The following ACBD4 variants were observed in gnomAD, a reference collection of about 807,000 sequenced individuals.
ACBD4 encodes the protein acyl-CoA-binding domain-containing protein 4.
A neutral mutation model predicts 46.0 loss-of-function variants in ACBD4; 41 were observed. That is an observed-to-expected ratio of 0.89 (90% CI 0.69 to 1.16). The LOEUF (loss-of-function observed/expected upper bound fraction) is 1.16. ACBD4 is among the 50% of genes most tolerant of loss of function. The probability of loss-of-function intolerance (pLI) is 0.00; values close to 1 mark genes in which losing one functional copy is unlikely to be tolerated. For missense variants in ACBD4, 393 were observed against 399.5 expected, an observed-to-expected ratio of 0.98 and a Z score of 0.14; for synonymous variants, 162 against 155.9, an observed-to-expected ratio of 1.04 and a Z score of -0.29.
At chr17:45,141,486 G>A (rs2055270805) in intron 9 of ACBD4, among the ~76,000 whole-genome samples, 1 of 152,156 alleles carries the variant, frequency 6.6e-6, no homozygotes, top group African/African-American at 2.4e-5. Flanking sequence ...CCAGGAGCTT[G>A]AGACCAGTCT....
chr17:45,138,168 C>A (rs1294989420), intron 8 of ACBD4, 180 bp downstream of exon 8: 5 of 668,190 alleles, frequency 7.5e-6, no homozygotes, highest in Non-Finnish European at 1.3e-5. Flanking sequence ...TGGGCAAAGT[C>A]CCCGCCCTCC....
Position 45,143,915 on chromosome 17 carries a change from T to G in ACBD4, c.*344T>G. 6.3e-6 allele frequency: 2 copies of G among 317,590 alleles called. No individual in the cohort carries two copies. Among genetic ancestry groups the G allele is most frequent in the Non-Finnish European group, 1.2e-5 (2 of 170,646 alleles). The allele number at this position is 317,590 out of a possible 1,614,324, so 19.7% of individuals were successfully genotyped here. On this transcript the variant is annotated 3_prime_UTR_variant, in exon 10 of 10. Transcript: ENST00000321854. ...GTCACCCGAATTTTCCCACCCCTGC[T>G]TCTCCCCGAGGAGGTTGAGCTCTTG...
At chr17:45,142,250 AGGCATGGT>A (rs1420968987) in intron 9 of ACBD4, among the ~76,000 whole-genome samples, 2 of 151,574 alleles carry the variant, frequency 1.3e-5, no homozygotes, top group African/African-American at 4.9e-5. Flanking sequence ...AAAATTAGCT[AGGCATGGT>A]GGCAGGTTTC....
In ACBD4 at chr17:45,143,614, C is replaced by CT; in HGVS notation, c.*44dup. 2 of 1,613,920 alleles carry CT rather than the reference C, an allele frequency of 1.2e-6. No individual in the cohort carries two copies. The highest frequency in any genetic ancestry group is 1.7e-6 in the Non-Finnish European group (2 of 1,179,988). On this transcript the variant is annotated 3_prime_UTR_variant, in exon 10 of 10. Coordinates refer to ENST00000321854, the MANE Select transcript of ACBD4 (RefSeq NM_001135705.3). ...TCTGCAGCCAACTGAGACTATCTTG[C>CT]TGTGCCCTGAGCCTTCCTAGGGTTT...
upstream of ACBD4, chr17:45,132,452 G>A: frequency 1.7e-6 from 2 of 1,155,434 alleles, no homozygotes; most frequent in Non-Finnish European, 2.1e-6. The surrounding 1 kb of genome is among the most constrained non-coding windows in gnomAD (Gnocchi z 4.6). Context: ...GTCTGCACGC[G>A]GGGACAGGGC....
chr17:45,135,340 G>A (rs2054748454), upstream of ACBD4: 1 of 152,166 alleles, frequency 6.6e-6, no homozygotes, highest in Non-Finnish European at 1.5e-5. Flanking sequence ...TTAATCCCCA[G>A]TGCCTAAGTG....
chr17:45,138,203 G>T (rs1426677926), intron 8 of ACBD4: 12 of 606,996 alleles, frequency 2.0e-5, no homozygotes, highest in Non-Finnish European at 3.2e-5. Context: ...GGGCACCCAG[G>T]AGTCTGCACC....
intron 9 of ACBD4, among the ~76,000 whole-genome samples, chr17:45,143,228 G>A (rs992672836): frequency 1.3e-5 from 2 of 152,210 alleles, no homozygotes; most frequent in South Asian, 2.1e-4. Flanking sequence ...CCGCAGCCCC[G>A]CCAGCCTCTC....
chr17:45,136,848 T>C, intron 4 of ACBD4, 72 bp downstream of exon 4: 1 of 1,594,534 alleles, frequency 6.3e-7, no homozygotes, highest in Non-Finnish European at 8.6e-7. Flanking sequence ...TGACCCCCAC[T>C]ACGTTTCCTA....
intron 9 of ACBD4, among the ~76,000 whole-genome samples, chr17:45,142,389 C>CAAAAAAAAAAAAAAAAAAAAAAAAAAAAA (rs1161132274): frequency 3.5e-5 from 1 of 28,582 alleles, no homozygotes; most frequent in Non-Finnish European, 5.8e-5. Context: ...CAAGACTCCT[C>CAAAAAAAAAAAAAAAAAAAAAAAAAAAAA]AAAAAAAAAA....
chr17:45,141,243 CCTT>C lies in ACBD4; in HGVS notation c.789+2086_789+2088del, dbSNP rs58106092. ...CAATTCTCTTTTAATCTAGCCCAGTCCTTCTCCTTGCTATTGACTTGCTGACCA... is the reference window on the plus strand; with the variant it reads ...CAATTCTCTTTTAATCTAGCCCAGTCCTCCTTGCTATTGACTTGCTGACCA... On this transcript the variant is annotated intron_variant, in intron 9 of 9. Coordinates refer to ENST00000321854, the MANE Select transcript of ACBD4 (RefSeq NM_001135705.3). 5.0e-3 allele frequency among the ~76,000 whole-genome samples: 758 copies of C among 152,344 alleles called. 8 individuals are homozygous for C. The highest frequency in any genetic ancestry group is 0.018 in the African/African-American group (744 of 41,582).
upstream of ACBD4, chr17:45,132,257 T>C: frequency 7.8e-7 from 1 of 1,275,056 alleles, no homozygotes; most frequent in East Asian, 2.9e-5. This position sits in a 1 kb window ranked among gnomAD's most constrained non-coding sequence, Gnocchi z 4.6. Flanking sequence ...CCCATCTTCT[T>C]CAGCGCCCGC....
At chr17:45,133,534 T>TC (rs1424360565), upstream of ACBD4, among the ~76,000 whole-genome samples, 78 of 127,574 alleles carry the variant, frequency 6.1e-4, no homozygotes, top group Non-Finnish European at 1.2e-3. Flanking sequence ...TTTTTTTTTT[T>TC]TTTTTTTTTT....
At chr17:45,134,988 G>A (rs557419692), upstream of ACBD4, among the ~76,000 whole-genome samples, 120 of 134,340 alleles carry the variant, frequency 8.9e-4, 2 homozygotes, top group Middle Eastern at 8.8e-3. Flanking sequence ...TTTTTTTTGA[G>A]ATGGAGTCTC....
Position 45,139,139 on chromosome 17 carries a change from C to T in ACBD4, c.768C>T (p.Ser256=). The change falls in exon 9 of 10, where the codon AGC becomes AGT. Residue 256 remains serine (S), a synonymous_variant. Coordinates refer to ENST00000321854, the MANE Select transcript of ACBD4 (RefSeq NM_001135705.3). Reference sequence around the variant, plus strand: ...AGGCGAGGGTGCAGAGCCTGGAGAGCATGCCCCGGCCCCCTGAGCAGGTAG... The same window carrying T: ...AGGCGAGGGTGCAGAGCCTGGAGAGTATGCCCCGGCCCCCTGAGCAGGTAG... The part of the protein sequence containing the change: ...EVQARVQSLE[S]MPRPPEQRPQ... 6.2e-7 allele frequency: 1 copy of T among 1,613,664 alleles called. No individual in the cohort carries two copies.
chr17:45,132,661 C>T (rs896892584), upstream of ACBD4: 4 of 243,594 alleles, frequency 1.6e-5, no homozygotes, highest in Non-Finnish European at 3.1e-5. The surrounding 1 kb of genome is among the most constrained non-coding windows in gnomAD (Gnocchi z 4.6). Flanking sequence ...CTCGCCCCTG[C>T]TCGTGAGTCC....
upstream of ACBD4, among the ~76,000 whole-genome samples, chr17:45,134,552 G>A (rs1182252139): frequency 3.9e-5 from 6 of 152,184 alleles, no homozygotes; most frequent in East Asian, 1.9e-4. Flanking sequence ...CGAGGTCGGC[G>A]GATCACGAGG....
chr17:45,135,888 T>C lies in ACBD4; in HGVS notation c.-103T>C, dbSNP rs1023344507. 6 of 496,162 alleles carry C rather than the reference T, an allele frequency of 1.2e-5. No individual in the cohort carries two copies. In the East Asian group the frequency reaches 2.2e-4, roughly 18 times the overall value. 30.7% of individuals were successfully genotyped at this position (496,162 alleles called of 1,614,324 possible). ...AGGCGCATCTGGGGACGGACACATC[T>C]GGCACTGAGGCCCTCGCCACCTGCC... On this transcript the variant is annotated 5_prime_UTR_variant, in exon 1 of 10. Coordinates refer to ENST00000321854, the MANE Select transcript of ACBD4 (RefSeq NM_001135705.3).
At chr17:45,137,324 C>T (rs200484915) in intron 5 of ACBD4, 44 bp from the exon 6 acceptor site, 9 of 1,609,374 alleles carry the variant, frequency 5.6e-6, no homozygotes, top group Non-Finnish European at 7.7e-6. Flanking sequence ...CTGGGAGGTG[C>T]CAGCCTCTCC....
Sources: allele counts gnomAD v4.1 joint callset (sites outside exome capture counted in the v4.1 genomes callset), GRCh38; gene constraint gnomAD v4.1.1; non-coding constraint Gnocchi (gnomAD v3.1); transcripts MANE v1.5; gene names NCBI Gene and HGNC (gene_info 2026-07-23, HGNC 2026-07-21).